CCT6A: variants seen among roughly 807,000 people sequenced by gnomAD.
CCT6A encodes the protein T-complex protein 1 subunit zeta.
In CCT6A, 6 loss-of-function variants were observed where a neutral mutation model predicts 58.6. That is an observed-to-expected ratio of 0.10 (90% CI 0.06 to 0.20). CCT6A has a LOEUF of 0.20. CCT6A is among the 10% of genes least tolerant of loss of function. The pLI is 1.00. For missense variants in CCT6A, 516 were observed against 648.8 expected (o/e 0.80, Z 2.22); for synonymous variants, 245 against 227.8 (o/e 1.08, Z -0.68).
chr7:56,054,518 T>A lies in CCT6A; in HGVS notation c.336+15T>A, dbSNP rs1794263511. The A allele has an allele frequency of 6.2e-7, 1 of 1,600,310 alleles. No individual in the cohort carries two copies. The highest frequency in any genetic ancestry group is 1.7e-5 in the Admixed American group (1 of 58,576). On this transcript the variant is annotated intron_variant, in intron 3 of 13. Transcript: ENST00000275603. The stretch of plus-strand genomic sequence containing the variant: ...ACATTTCTGAAGTATGCACAACTCT[T>A]GTTTCTGTAATTTTTTTTTGTATAT...
intron 4 of CCT6A, among the ~76,000 whole-genome samples, 155 bp from the exon 5 acceptor site, chr7:56,056,156 T>C (rs1794298558): frequency 6.6e-6 from 1 of 152,212 alleles, no homozygotes; most frequent in Admixed American, 6.5e-5. Flanking sequence ...CTTCAGCTGT[T>C]GCCTTTTACA....
At chr7:56,062,884 C>A in intron 13 of CCT6A, 129 bp downstream of exon 13, 1 of 1,133,100 alleles carries the variant, frequency 8.8e-7, no homozygotes, top group Non-Finnish European at 1.3e-6. Flanking sequence ...TGAACTAGCC[C>A]TCTGATGTGT....
intron 12 of CCT6A, among the ~76,000 whole-genome samples, chr7:56,062,275 C>CTTTGAATT (rs1794462933): frequency 6.6e-6 from 1 of 152,092 alleles, no homozygotes; most frequent in Non-Finnish European, 1.5e-5. Context: ...ATCTTAGGTT[C>CTTTGAATT]CTGTAACAAA....
chr7:56,061,241 A>C (rs543895391), intron 11 of CCT6A, among the ~76,000 whole-genome samples: 2 of 152,234 alleles, frequency 1.3e-5, no homozygotes, highest in South Asian at 4.2e-4. Flanking sequence ...GTTTTCTATT[A>C]TATACCAGTT....
chr7:56,060,193 A>G (rs761705244), intron 9 of CCT6A, 76 bp from the exon 10 acceptor site: 2 of 1,276,000 alleles, frequency 1.6e-6, no homozygotes, highest in Non-Finnish European at 2.2e-6. Context: ...GCTACTTGTC[A>G]TTCTCTGTAA....
Position 56,062,309 on chromosome 7 carries a change from A to G in CCT6A, c.1451-374A>G, listed in dbSNP as rs560968639. Among the ~76,000 whole-genome samples, 15 of 152,354 alleles carry G rather than the reference A, an allele frequency of 9.8e-5. No homozygotes were observed. In the South Asian group the frequency reaches 3.1e-3, roughly 32 times the overall value. On this transcript the variant is annotated intron_variant, in intron 12 of 13. Transcript: ENST00000275603. ...AAACAACACAAATTAAGTACAAAGT[A>G]GGAGATAACAGGTACCTCCATGCAG...
Position 56,058,628 on chromosome 7 carries a change from C to T in CCT6A, c.894C>T (p.Asp298=). The T allele has an allele frequency of 6.2e-7, 1 of 1,605,416 alleles. No individual in the cohort carries two copies. Among genetic ancestry groups the T allele is most frequent in the Non-Finnish European group, 8.5e-7 (1 of 1,172,922 alleles). Residue 298 remains aspartate (D), a synonymous_variant, in exon 8 of 14, where the codon GAC becomes GAT. Transcript: ENST00000275603. ...GFVVINQKGI[D]PFSLDALSKE... Reference sequence around the variant, plus strand: ...TTTTATTTTTGTTACAGGGAATTGACCCCTTTTCCTTAGATGCTCTTTCAA... The same window carrying T: ...TTTTATTTTTGTTACAGGGAATTGATCCCTTTTCCTTAGATGCTCTTTCAA...
chr7:56,061,038 A>G, intron 11 of CCT6A, 98 bp downstream of exon 11: 2 of 1,335,562 alleles, frequency 1.5e-6, no homozygotes, highest in South Asian at 2.9e-5. Context: ...TTGGATAAGC[A>G]AGTTTGATCA....
Position 56,058,057 on chromosome 7 carries a change from G to A in CCT6A, c.679G>A (p.Asp227Asn), listed in dbSNP as rs763196812. The A allele has an allele frequency of 1.2e-6, 2 of 1,612,380 alleles. No individual in the cohort carries two copies. The highest frequency in any genetic ancestry group is 2.2e-5 in the South Asian group (2 of 91,052). Residue 227 changes from aspartate (D) to asparagine (N), a missense_variant, in exon 6 of 14, where the codon GAT (aspartate) becomes AAT (asparagine). Around this residue, in one of 3 missense-constraint regions of CCT6A, gnomAD observed 315 missense variants for 389.4 expected, o/e 0.81. Coordinates refer to ENST00000275603, the MANE Select transcript of CCT6A (RefSeq NM_001762.4). ...TCCTGATATGAAGAAAAGGGTGGAG[G>A]ATGCATACATCCTCACTTGTAACGT... ...RHPDMKKRVE[D>N]AYILTCNVSL...
chr7:56,057,196 T>A (rs1448997798), intron 5 of CCT6A, among the ~76,000 whole-genome samples: 1 of 152,152 alleles, frequency 6.6e-6, no homozygotes, highest in Non-Finnish European at 1.5e-5. Flanking sequence ...TGAAATAAGG[T>A]GAATGTTATG....
At position 56,058,600 on chromosome 7, in the gene CCT6A, A is replaced by C. The variant is rs569063467; in HGVS notation, c.886-20A>C. 19 of 1,591,568 alleles carry C rather than the reference A, an allele frequency of 1.2e-5. 1 individual carries two copies. In the East Asian group the frequency reaches 4.2e-4, roughly 36 times the overall value. ...TTTTAAGGTGAAAGATGTTGAAATT[A>C]ATTTTTATTTTTGTTACAGGGAATT... On this transcript the variant is annotated intron_variant, in intron 7 of 13. Transcript: ENST00000275603.
At chr7:56,062,074 T>C in intron 12 of CCT6A, 1 of 396,442 alleles carries the variant, frequency 2.5e-6, no homozygotes, top group East Asian at 4.6e-5. Flanking sequence ...TTGGAGATGT[T>C]GAGTGGTGGT....
intron 6 of CCT6A, 97 bp from the exon 7 acceptor site, chr7:56,058,265 G>A: frequency 3.1e-6 from 3 of 957,772 alleles, no homozygotes; most frequent in Admixed American, 2.7e-5. Context: ...GGCAGGATTG[G>A]AGCTCAGTGA....
intron 12 of CCT6A, 108 bp from the exon 13 acceptor site, chr7:56,062,575 C>G (rs1033905719): frequency 3.2e-6 from 3 of 927,840 alleles, no homozygotes; most frequent in Non-Finnish European, 5.3e-6. Flanking sequence ...GCTTTGAATT[C>G]TCATAGTTAA....
chr7:56,054,282 T>G (rs573031496), intron 2 of CCT6A, 87 bp from the exon 3 acceptor site: 1 of 1,159,630 alleles, frequency 8.6e-7, no homozygotes, highest in South Asian at 1.6e-5. Context: ...TAGATAGCAC[T>G]CAAAGAGGCC....
rs190385551 is a variant in CCT6A, at chr7:56,052,331, C to T, written c.138-91C>T. ...CATAACTAGCCCCACATCCCTGGCT[C>T]CCTAAAATCTGGGAAAAGCCCGTTT... On this transcript the variant is annotated intron_variant, in intron 1 of 13. Transcript: ENST00000275603. 51 of 1,124,790 alleles carry T rather than the reference C, an allele frequency of 4.5e-5. No homozygotes were observed. The African/African-American group carries it at 5.9e-4, about 13-fold the overall frequency. The allele number at this position is 1,124,790 out of a possible 1,614,324, so 69.7% of individuals were successfully genotyped here.
intron 2 of CCT6A, 64 bp downstream of exon 2, chr7:56,052,549 A>T: frequency 7.3e-7 from 1 of 1,371,696 alleles, no homozygotes; most frequent in Non-Finnish European, 1.0e-6. Flanking sequence ...TTCTTTGTAG[A>T]AAGATTTGCA....
chr7:56,060,772 T>C lies in CCT6A; in HGVS notation c.1214-35T>C, dbSNP rs1285592493. 1.9e-6 allele frequency: 3 copies of C among 1,584,566 alleles called. No homozygotes were observed. The African/African-American group carries it at 4.1e-5, about 22-fold the overall frequency. On this transcript the variant is annotated intron_variant, in intron 10 of 13. Coordinates refer to ENST00000275603, the MANE Select transcript of CCT6A (RefSeq NM_001762.4). ...TGTTATTCATAATTAGTTCTGCAGT[T>C]TTCTTAGCATTTTTCCTTTTCCCCC...
chr7:56,056,532 G>A lies in CCT6A; in HGVS notation c.614+118G>A, dbSNP rs1340992331. 4.7e-6 allele frequency: 3 copies of A among 637,224 alleles called. No individual in the cohort carries two copies. The Admixed American group carries it at 8.0e-5, about 17-fold the overall frequency. The allele number at this position is 637,224 out of a possible 1,614,324, so 39.5% of individuals were successfully genotyped here. Reference sequence around the variant, plus strand: ...CAGGTCAGGAGTTCCAGACCAGCCTGGCCAACATGGGGAAACCCCGTCTCT... The same window carrying A: ...CAGGTCAGGAGTTCCAGACCAGCCTAGCCAACATGGGGAAACCCCGTCTCT... On this transcript the variant is annotated intron_variant, in intron 5 of 13. Coordinates refer to ENST00000275603, the MANE Select transcript of CCT6A (RefSeq NM_001762.4).
Sources: allele counts gnomAD v4.1 joint callset (sites outside exome capture counted in the v4.1 genomes callset), GRCh38; gene constraint gnomAD v4.1.1; regional missense constraint gnomAD v4.1.1; transcripts MANE v1.5; gene names NCBI Gene and HGNC (gene_info 2026-07-23, HGNC 2026-07-21).